The following MARK3 variants were observed in gnomAD, a reference collection of about 807,000 sequenced individuals.
MARK3 encodes the protein microtubule affinity regulating kinase 3.
A neutral mutation model predicts 90.1 loss-of-function variants in MARK3; 46 were observed. The observed-to-expected ratio is 0.51, with a 90% confidence interval of 0.40 to 0.65. The LOEUF is 0.65. Among genes scored for constraint, MARK3 ranks in the 30% least tolerant of loss-of-function variants. The pLI, the probability that MARK3 is intolerant of heterozygous loss-of-function variation, is 0.00. For missense variants in MARK3, 818 were observed against 947.2 expected (o/e 0.86, Z 1.79); for synonymous variants, 321 against 332.6 (o/e 0.97, Z 0.38).
At chr14:103,481,068 A>G (rs150167342) in intron 14 of MARK3, among the ~76,000 whole-genome samples, 3 of 152,354 alleles carry the variant, frequency 2.0e-5, no homozygotes, top group Non-Finnish European at 4.4e-5. Flanking sequence ...CAATGATGTT[A>G]CATGTCAATA....
intron 6 of MARK3, among the ~76,000 whole-genome samples, chr14:103,461,699 C>T (rs2093403956): frequency 1.3e-5 from 2 of 152,126 alleles, no homozygotes; most frequent in South Asian, 4.1e-4. Flanking sequence ...ATGGGCAACT[C>T]TCTAACCGCT....
chr14:103,426,819 CTTGG>C (rs1198642217), intron 2 of MARK3, among the ~76,000 whole-genome samples: 1 of 151,942 alleles, frequency 6.6e-6, no homozygotes, highest in African/African-American at 2.4e-5. Flanking sequence ...TGTATATTCA[CTTGG>C]TTAGCCCACA....
At chr14:103,414,766 AATTTT>A (rs1249023654) in intron 2 of MARK3, among the ~76,000 whole-genome samples, 2 of 152,186 alleles carry the variant, frequency 1.3e-5, no homozygotes, top group Non-Finnish European at 2.9e-5. Flanking sequence ...TCGTGAAAAG[AATTTT>A]CTGAAAGAAG....
At chr14:103,490,137 A>G (rs1018638606) in intron 14 of MARK3, 1 of 151,498 alleles carries the variant, frequency 6.6e-6, no homozygotes, top group Non-Finnish European at 1.5e-5. Flanking sequence ...GGGCAACATG[A>G]CAAAACTCTC....
chr14:103,482,346 C>T (rs2093840978), intron 14 of MARK3, among the ~76,000 whole-genome samples: 1 of 151,640 alleles, frequency 6.6e-6, no homozygotes, highest in South Asian at 2.1e-4. Context: ...CATGGTGAAA[C>T]CCCGTCTCTA....
intron 2 of MARK3, among the ~76,000 whole-genome samples, chr14:103,409,022 C>G (rs1468837840): frequency 2.0e-5 from 3 of 152,064 alleles, no homozygotes; most frequent in African/African-American, 7.2e-5. Flanking sequence ...CTCATGTGGG[C>G]AGAGATGGTG....
intron 7 of MARK3, 43 bp from the exon 8 acceptor site, chr14:103,465,514 A>G (rs540314195): frequency 2.6e-5 from 36 of 1,378,300 alleles, no homozygotes; most frequent in Middle Eastern, 1.8e-4. Flanking sequence ...TTCTAATTCT[A>G]TTTTGGCTAA....
At chr14:103,400,943 T>TTGTGTGTGTGTGTGTGTG (rs61635275) in intron 1 of MARK3, among the ~76,000 whole-genome samples, 7 of 123,572 alleles carry the variant, frequency 5.7e-5, no homozygotes, top group South Asian at 5.7e-4. Flanking sequence ...ATATAACATT[T>TTGTGTGTGTGTGTGTGTG]TGTGTGTGTG....
chr14:103,404,401 A>G (rs928547646), intron 1 of MARK3, among the ~76,000 whole-genome samples: 6 of 152,214 alleles, frequency 3.9e-5, no homozygotes, highest in South Asian at 2.1e-4. Context: ...GAGCAGTAGT[A>G]GCAGGATGCC....
At chr14:103,447,381 G>C (rs1396635774) in intron 3 of MARK3, among the ~76,000 whole-genome samples, 1 of 152,206 alleles carries the variant, frequency 6.6e-6, no homozygotes, top group African/African-American at 2.4e-5. Context: ...ATTAGACACA[G>C]TGGACAAGGA....
At chr14:103,399,506 G>A (rs937513912) in intron 1 of MARK3, among the ~76,000 whole-genome samples, 3 of 152,116 alleles carry the variant, frequency 2.0e-5, no homozygotes, top group African/African-American at 7.2e-5. Context: ...TCAGGAGATC[G>A]AGACCACGGT....
At position 103,467,088 on chromosome 14, in the gene MARK3, T is replaced by G; in HGVS notation, c.1007T>G (p.Val336Gly). 1 of 1,492,128 alleles carries G rather than the reference T, an allele frequency of 6.7e-7. No homozygotes were observed. Among genetic ancestry groups the G allele is most frequent in the Middle Eastern group, 1.7e-4 (1 of 5,738 alleles). 92.4% of individuals were successfully genotyped at this position (1,492,128 alleles called of 1,614,324 possible). A position where few individuals can be genotyped will look rare whatever the true frequency, so the allele number is the denominator to read the frequency against. ...ISDQKRIDIM[V>G]GMGYSQEEIQ... ...TATGCCCTTCTTTTAGATATTATGG[T>G]GGGAATGGGATATTCACAAGAAGAA... Residue 336 changes from valine (V) to glycine (G), a missense_variant, in exon 11 of 18, where the codon GTG (valine) becomes GGG (glycine). Val to Gly is a moderately radical substitution (Grantham distance 109). Transcript: ENST00000429436.
At chr14:103,471,188 C>T (rs2093619898) in intron 12 of MARK3, among the ~76,000 whole-genome samples, 1 of 152,126 alleles carries the variant, frequency 6.6e-6, no homozygotes, top group African/African-American at 2.4e-5. Context: ...TTTAACTTGT[C>T]CCTCAATCCT....
rs770501356 is a variant in MARK3, at chr14:103,503,036, G to A, written c.2071G>A (p.Glu691Lys). The change falls in exon 18 of 18, where the codon GAG (glutamate) becomes AAG (lysine). Residue 691 changes from glutamate (E) to lysine (K), a missense_variant. By Grantham distance (56) the Glu-to-Lys change is moderately conservative. Transcript: ENST00000429436. ...KVLDANNCDY[E>K]QRERFLLFCV... ...GTTGGACGCCAATAACTGCGACTAT[G>A]AGCAGAGGGAGCGCTTCTTGCTCTT... is the stretch of plus-strand genomic sequence containing the variant. The A allele has an allele frequency of 1.2e-6, 2 of 1,614,254 alleles. No homozygotes were observed. The highest frequency in any genetic ancestry group is 2.2e-5 in the South Asian group (2 of 91,080).
chr14:103,422,752 T>C (rs2092268216), intron 2 of MARK3, among the ~76,000 whole-genome samples: 1 of 152,238 alleles, frequency 6.6e-6, no homozygotes, highest in Admixed American at 6.5e-5. Context: ...ATTTTGTGTC[T>C]ATTTCTTTTA....
chr14:103,498,650 C>A, intron 16 of MARK3, 122 bp downstream of exon 16: 1 of 916,926 alleles, frequency 1.1e-6, no homozygotes. Flanking sequence ...CTGCTGATAA[C>A]TAAATACTTA....
chr14:103,480,244 C>T, intron 13 of MARK3, 143 bp from the exon 14 acceptor site: 3 of 544,306 alleles, frequency 5.5e-6, no homozygotes, highest in South Asian at 4.8e-5. Context: ...CACTGCACTC[C>T]AGCCTGGGTG....
chr14:103,494,032 G>C (rs1339289664), intron 15 of MARK3, among the ~76,000 whole-genome samples: 1 of 151,430 alleles, frequency 6.6e-6, no homozygotes, highest in Admixed American at 6.6e-5. Flanking sequence ...TCAGGAGTTT[G>C]AGACAGGCCT....
At chr14:103,400,619 A>C (rs1566770988) in intron 1 of MARK3, among the ~76,000 whole-genome samples, 2 of 152,160 alleles carry the variant, frequency 1.3e-5, no homozygotes, top group Non-Finnish European at 1.5e-5. Flanking sequence ...AAAGTAGTCC[A>C]GGTATGGTGG....
Sources: gnomAD v4.1 joint callset for allele counts (sites outside exome capture counted in the v4.1 genomes callset) on GRCh38, gnomAD v4.1.1 for gene constraint, MANE v1.5 for transcripts, NCBI Gene and HGNC (gene_info 2026-07-23, HGNC 2026-07-21) for gene names.